RAF1: variants seen among roughly 807,000 people sequenced by gnomAD.
RAF1 encodes the protein Raf-1 proto-oncogene, serine/threonine kinase.
A neutral mutation model predicts 81.1 loss-of-function variants in RAF1; 27 were observed. The observed-to-expected ratio is 0.33, with a 90% CI of 0.25 to 0.46. The LOEUF (loss-of-function observed/expected upper bound fraction) is 0.46. Among genes scored for constraint, RAF1 ranks in the 20% least tolerant of loss-of-function variants. RAF1 has a pLI of 1.00. For missense variants in RAF1, 598 were observed against 826.0 expected (o/e 0.72, Z 3.38); for synonymous variants, 298 against 294.0 (o/e 1.01, Z -0.14).
At chr3:12,660,336 AC>A (rs1242375199) in intron 1 of RAF1, among the ~76,000 whole-genome samples, 2 of 151,382 alleles carry the variant, frequency 1.3e-5, no homozygotes, top group East Asian at 3.9e-4. Flanking sequence ...TCACTCCATC[AC>A]CAACACTGGA....
chr3:12,585,280 T>C (rs1338215520), intron 15 of RAF1, 27 bp from the exon 15 acceptor site: 1 of 1,613,440 alleles, frequency 6.2e-7, no homozygotes, highest in Non-Finnish European at 8.5e-7. Context: ...ATGACAAAAG[T>C]GCATTTATCA....
At chr3:12,648,370 T>C (rs2060418730) in intron 1 of RAF1, among the ~76,000 whole-genome samples, 1 of 150,078 alleles carries the variant, frequency 6.7e-6, no homozygotes, top group Admixed American at 6.6e-5. Context: ...ATTTCCACAC[T>C]AATTTCTCTT....
At chr3:12,641,492 T>G (rs1187207261) in intron 1 of RAF1, among the ~76,000 whole-genome samples, 1,494 of 136,976 alleles carry the variant, frequency 0.011, 29 homozygotes, top group African/African-American at 0.04. Context: ...GTTTTTTGGT[T>G]TTTTTTTTTT....
intron 1 of RAF1, among the ~76,000 whole-genome samples, chr3:12,619,102 G>C (rs556097701): frequency 6.6e-6 from 1 of 151,876 alleles, no homozygotes; most frequent in Non-Finnish European, 1.5e-5. Flanking sequence ...AAAATTAGCC[G>C]GGCGTGGTGG....
chr3:12,585,010 G>A (rs2125320230), intron 16 of RAF1, 29 bp from the exon 16 acceptor site: 2 of 1,613,844 alleles, frequency 1.2e-6, no homozygotes, highest in African/African-American at 1.3e-5. Flanking sequence ...CTGAGCTAAT[G>A]GGGGGTGAAT....
intron 1 of RAF1, among the ~76,000 whole-genome samples, chr3:12,628,012 C>T (rs574437976): frequency 6.6e-6 from 1 of 152,066 alleles, no homozygotes; most frequent in South Asian, 2.1e-4. Flanking sequence ...CCCAGCTACT[C>T]GGGAGGCTGA....
intron 1 of RAF1, among the ~76,000 whole-genome samples, chr3:12,650,514 C>T (rs764787898): frequency 2.0e-5 from 3 of 151,972 alleles, no homozygotes; most frequent in Non-Finnish European, 2.9e-5. Context: ...TCATGAATAC[C>T]GAATCACTAT....
chr3:12,591,486 G>C (rs945130487), intron 12 of RAF1, among the ~76,000 whole-genome samples: 2 of 152,164 alleles, frequency 1.3e-5, no homozygotes, highest in African/African-American at 2.4e-5. Flanking sequence ...GCCCAGAGGA[G>C]GGTATTCTCC....
rs140756812 is a variant in RAF1, at chr3:12,584,598, G to A, written c.1923C>T (p.Ser641=). The A allele has an allele frequency of 2.4e-5, 38 of 1,614,116 alleles. No homozygotes were observed. The highest frequency in any genetic ancestry group is 5.3e-5 in the African/African-American group (4 of 75,040). Residue 641 remains serine, a synonymous_variant, in exon 18 of 18, where the codon TCC becomes TCT. Coordinates refer to ENST00000442415, the MANE Select transcript of RAF1 (RefSeq NM_001354689.3). ...GGGCTGCCCGATGCAAGGATGGCTC[G>A]GAAGCGCTCCGGTTGATCTTCGGTA...
Position 12,584,834 on chromosome 3 carries a change from C to T in RAF1, c.1863+13G>A. ...CCATGCTTTAATCACATTCTAGCAG[C>T]CCTGAGCCTTACCTGGGGAAAAAGA... On this transcript the variant is annotated intron_variant, in intron 17 of 17. Coordinates refer to ENST00000442415, the MANE Select transcript of RAF1 (RefSeq NM_001354689.3). The T allele has an allele frequency of 6.2e-7, 1 of 1,614,004 alleles. No individual in the cohort carries two copies. The highest frequency in any genetic ancestry group is 8.5e-7 in the Non-Finnish European group (1 of 1,179,928).
intron 11 of RAF1, among the ~76,000 whole-genome samples, chr3:12,598,252 CTGCCTGCCTCAGCCTCCCA>C (rs2058744070): frequency 6.6e-6 from 1 of 152,046 alleles, no homozygotes; most frequent in Non-Finnish European, 1.5e-5. Flanking sequence ...CTCAAGTGTT[CTGCCTGCCTCAGCCTCCCA>C]AAGTGCTGGG....
intron 1 of RAF1, among the ~76,000 whole-genome samples, chr3:12,625,448 G>A (rs2059676472): frequency 6.6e-6 from 1 of 152,178 alleles, no homozygotes; most frequent in Admixed American, 6.5e-5. Flanking sequence ...CTCTCACAGT[G>A]AAGAGTATAA....
rs530925048 is a variant in RAF1 at position 12,619,333 on chromosome 3, G to A, written c.-26-586C>T. ...AATCCCAGCACTTTGGGAGGCCGAG[G>A]CCAGCGCATCACTTGAGGCCAGGAG... On this transcript the variant is annotated intron_variant, in intron 1 of 17. Transcript: ENST00000442415. Among the ~76,000 whole-genome samples, 61 of 151,472 alleles carry A rather than the reference G, an allele frequency of 4.0e-4. 1 individual carries two copies. In the South Asian group the frequency reaches 0.013, roughly 31 times the overall value.
chr3:12,661,037 T>A (rs1287045063), intron 1 of RAF1, among the ~76,000 whole-genome samples: 1 of 152,180 alleles, frequency 6.6e-6, no homozygotes, highest in African/African-American at 2.4e-5. Flanking sequence ...CTGGGTCAAA[T>A]GTTTATGTTG....
intron 1 of RAF1, among the ~76,000 whole-genome samples, chr3:12,645,946 A>G (rs2060336584): frequency 6.6e-6 from 1 of 152,172 alleles, no homozygotes; most frequent in South Asian, 2.1e-4. Context: ...AAAGAAAAAG[A>G]CTGTATATAC....
intron 1 of RAF1, among the ~76,000 whole-genome samples, chr3:12,622,406 G>T (rs138553702): frequency 2.0e-5 from 3 of 152,138 alleles, no homozygotes. Flanking sequence ...CTGACAAGGC[G>T]TCTAAAGGCC....
chr3:12,632,048 C>T (rs776713109), intron 1 of RAF1, among the ~76,000 whole-genome samples: 7 of 152,098 alleles, frequency 4.6e-5, no homozygotes, highest in Non-Finnish European at 7.4e-5. Flanking sequence ...TTAATTTTGG[C>T]AGGGCACAGT....
chr3:12,590,609 A>G, intron 13 of RAF1, 189 bp downstream of exon 12: 1 of 667,816 alleles, frequency 1.5e-6, no homozygotes, highest in Non-Finnish European at 2.6e-6. Flanking sequence ...TACAGGTGTG[A>G]GCCACCCCAC....
chr3:12,606,205 C>T lies in RAF1; in HGVS notation c.676G>A (p.Val226Ile), dbSNP rs746448519. ...AAGCTATAGGTAAAAAATTACCTAA[C>T]AGGCATCCTGGAAACAGACTCTCGC... Residue 226 changes from valine to isoleucine, a missense_variant, in exon 6 of 18, where the codon GTT becomes ATT. Val to Ile is a conservative substitution (Grantham distance 29). This residue lies in a region of RAF1 where 194 missense variants were observed against 202.7 expected (regional missense o/e 0.96). Transcript: ENST00000442415. 6.8e-6 allele frequency: 11 copies of T among 1,612,564 alleles called. No individual in the cohort carries two copies. Among genetic ancestry groups the T allele is most frequent in the South Asian group, 3.3e-5 (3 of 91,050 alleles).
Sources: allele counts gnomAD v4.1 joint callset (sites outside exome capture counted in the v4.1 genomes callset), GRCh38; gene constraint gnomAD v4.1.1; regional missense constraint gnomAD v4.1.1; transcripts MANE v1.5; gene names NCBI Gene and HGNC (gene_info 2026-07-23, HGNC 2026-07-21).